The following C13orf42 variants were observed in gnomAD, a reference collection of about 807,000 sequenced individuals.
C13orf42 encodes uncharacterized protein C13orf42.
At chr13:51,163,298 C>A (rs1433448143) in intron 1 of C13orf42, among the ~76,000 whole-genome samples, 1 of 152,148 alleles carries the variant, frequency 6.6e-6, no homozygotes, top group Non-Finnish European at 1.5e-5. Context: ...CTTTCTCCAG[C>A]TTTTCTAGTT....
chr13:51,091,795 T>C (rs543887464), intron 1 of C13orf42, among the ~76,000 whole-genome samples: 40 of 152,284 alleles, frequency 2.6e-4, no homozygotes, highest in Non-Finnish European at 4.7e-4. Flanking sequence ...ATCCTGGTTA[T>C]ACTCCCTGGG....
chr13:51,166,571 T>C (rs1257475308), intron 1 of C13orf42, among the ~76,000 whole-genome samples: 1 of 143,460 alleles, frequency 7.0e-6, no homozygotes, highest in Non-Finnish European at 1.5e-5. Flanking sequence ...TGTGCACATG[T>C]ACCCTAAAAC....
chr13:51,115,933 C>T (rs761474605), upstream of C13orf42, among the ~76,000 whole-genome samples: 9 of 152,302 alleles, frequency 5.9e-5, no homozygotes, highest in African/African-American at 1.7e-4. Context: ...AGATCTTTGA[C>T]AGATGAAGCA....
At chr13:51,158,057 C>T (rs184775811) in intron 1 of C13orf42, among the ~76,000 whole-genome samples, 24 of 152,340 alleles carry the variant, frequency 1.6e-4, no homozygotes, top group Admixed American at 1.2e-3. Context: ...AGGCCTTACA[C>T]AGTGGACTTT....
At position 51,090,564 on chromosome 13, in the gene C13orf42, C is replaced by A. The variant is rs140704541; in HGVS notation, c.415-2489G>T. Among the ~76,000 whole-genome samples, 327 of 152,282 alleles carry A rather than the reference C, an allele frequency of 2.1e-3. 3 individuals carry two copies. Among genetic ancestry groups the A allele is most frequent in the African/African-American group, 7.6e-3 (316 of 41,560 alleles). On this transcript the variant is annotated intron_variant, in intron 1 of 3. Transcript: ENST00000563710. Reference sequence around the variant, plus strand: ...GTCTTCAGAAGGCAACTGTCATCAGCGTTTAGCTTAATGCAAAGGTCTCAA... The same window carrying A: ...GTCTTCAGAAGGCAACTGTCATCAGAGTTTAGCTTAATGCAAAGGTCTCAA...
chr13:51,167,791 G>A (rs1053564345), intron 1 of C13orf42, among the ~76,000 whole-genome samples: 3 of 152,148 alleles, frequency 2.0e-5, no homozygotes, highest in East Asian at 1.9e-4. Context: ...AACTCTAGCG[G>A]TTTCTGATTC....
At chr13:51,091,325 A>G (rs996341339) in intron 1 of C13orf42, among the ~76,000 whole-genome samples, 8 of 152,348 alleles carry the variant, frequency 5.3e-5, no homozygotes, top group Middle Eastern at 3.4e-3. Flanking sequence ...TGCCTGTGTA[A>G]CTAACTCTCA....
intron 1 of C13orf42, among the ~76,000 whole-genome samples, chr13:51,165,445 A>C (rs1223066953): frequency 6.6e-6 from 1 of 152,208 alleles, no homozygotes; most frequent in Non-Finnish European, 1.5e-5. Flanking sequence ...TGGGGCCCTG[A>C]CTAATGCAGG....
intron 1 of C13orf42, among the ~76,000 whole-genome samples, chr13:51,105,896 G>A (rs1049535849): frequency 1.3e-5 from 2 of 152,168 alleles, no homozygotes; most frequent in African/African-American, 4.8e-5. Context: ...CTACACAGAA[G>A]CTAATTCAGC....
At chr13:51,094,694 T>G (rs555707074) in intron 1 of C13orf42, among the ~76,000 whole-genome samples, 1 of 152,314 alleles carries the variant, frequency 6.6e-6, no homozygotes, top group East Asian at 1.9e-4. Context: ...AGTTTTTGCT[T>G]GTCTAACAAA....
intron 1 of C13orf42, among the ~76,000 whole-genome samples, chr13:51,121,133 G>C (rs894071609): frequency 6.6e-6 from 1 of 152,212 alleles, no homozygotes; most frequent in Non-Finnish European, 1.5e-5. Context: ...CCAGGGTTGA[G>C]AGCAGGATAG....
chr13:51,158,372 A>T (rs1953839590), intron 1 of C13orf42, among the ~76,000 whole-genome samples: 2 of 152,198 alleles, frequency 1.3e-5, no homozygotes, highest in Non-Finnish European at 2.9e-5. Flanking sequence ...GCAGGGAGGG[A>T]TAATTTCTAC....
chr13:51,144,327 T>C (rs1351192004), intron 1 of C13orf42, among the ~76,000 whole-genome samples: 1 of 117,138 alleles, frequency 8.5e-6, no homozygotes, highest in Admixed American at 8.5e-5. Context: ...TTGTTTTGTT[T>C]TTCTGAGTCT....
At chr13:51,117,213 A>G (rs940103851) in intron 1 of C13orf42, among the ~76,000 whole-genome samples, 1 of 152,264 alleles carries the variant, frequency 6.6e-6, no homozygotes, top group Admixed American at 6.5e-5. Flanking sequence ...AATTATTTGT[A>G]GTCAGCTTTG....
chr13:51,131,824 T>C (rs1953619185), intron 1 of C13orf42, among the ~76,000 whole-genome samples: 1 of 152,266 alleles, frequency 6.6e-6, no homozygotes, highest in Non-Finnish European at 1.5e-5. Flanking sequence ...TTTCAAGAAC[T>C]ATGGTACATT....
At chr13:51,100,170 T>TA (rs1566125507) in intron 1 of C13orf42, among the ~76,000 whole-genome samples, 71 of 150,278 alleles carry the variant, frequency 4.7e-4, no homozygotes, top group African/African-American at 6.4e-4. Flanking sequence ...TTGGTTTTTT[T>TA]TAAAAAAAAA....
chr13:51,096,575 A>G (rs1953236727), intron 1 of C13orf42, among the ~76,000 whole-genome samples: 2 of 152,184 alleles, frequency 1.3e-5, no homozygotes, highest in African/African-American at 4.8e-5. Flanking sequence ...TTACCCTACT[A>G]TATACAATCA....
rs922017898 is a variant in C13orf42 at position 51,085,424 on chromosome 13, G to A, written c.698C>T (p.Thr233Ile). 1 of 398,608 alleles carries A rather than the reference G, an allele frequency of 2.5e-6. No individual in the cohort carries two copies. Among genetic ancestry groups the A allele is most frequent in the Non-Finnish European group, 4.4e-6 (1 of 226,072 alleles). 24.7% of individuals were successfully genotyped at this position (398,608 alleles called of 1,614,324 possible). A position where few individuals can be genotyped will look rare whatever the true frequency, so the allele number is the denominator to read the frequency against. ...GQFRRSTEHR[T>I]VGTQRRLERH... ...CTCGAGTCTCCTCTGAGTGCCCACG[G>A]TCCTGTGCTCGGTGCTCCTTCGAAA... The change falls in exon 3 of 4, where the codon ACC becomes ATC. Residue 233 changes from threonine to isoleucine, a missense_variant. Thr to Ile is a moderately conservative substitution (Grantham distance 89, BLOSUM62 -1). Coordinates refer to ENST00000563710, the MANE Select transcript of C13orf42 (RefSeq NM_001351589.3).
At chr13:51,132,137 T>C (rs933990546) in intron 1 of C13orf42, among the ~76,000 whole-genome samples, 7 of 152,228 alleles carry the variant, frequency 4.6e-5, no homozygotes, top group African/African-American at 1.7e-4. Flanking sequence ...TGTTGTACTC[T>C]TTGTGTAGAA....
Sources: allele counts gnomAD v4.1 joint callset (sites outside exome capture counted in the v4.1 genomes callset), GRCh38; gene constraint gnomAD v4.1.1; transcripts MANE v1.5; gene names NCBI Gene and HGNC (gene_info 2026-07-23, HGNC 2026-07-21).